Variants in CLDN2 observed in about 807,000 individuals in gnomAD.
CLDN2 encodes claudin 2, also known as claudin-2.
CLDN2 carries 1 observed loss-of-function variant against 8.2 expected under a neutral mutation model. That is an observed-to-expected ratio of 0.12 (90% CI 0.04 to 0.58). The LOEUF is 0.58. Ranked by LOEUF, CLDN2 falls within the 20% of genes least tolerant of loss-of-function variation. The pLI is 0.90. For synonymous variants in CLDN2, 70 were observed against 70.2 expected, an observed-to-expected ratio of 1.00 and a Z score of 0.01; for missense variants, 108 against 172.9, an observed-to-expected ratio of 0.62 and a Z score of 2.11.
chrX:106,903,112 C>T (rs1933129218), intron 1 of CLDN2: 1 of 1,208,812 alleles, frequency 8.3e-7, no homozygotes, highest in Non-Finnish European at 1.1e-6. Context: ...TTCAGGTTGC[C>T]AAAGGCTAAG....
At chrX:106,906,129 A>T (rs1267205143) in intron 1 of CLDN2, among the ~76,000 whole-genome samples, 2 of 111,836 alleles carry the variant, frequency 1.8e-5, no homozygotes, top group Non-Finnish European at 3.8e-5. Context: ...AACAGGAGTA[A>T]ACTGGTCAGC....
chrX:106,922,314 G>A (rs1368897257), intron 1 of CLDN2, among the ~76,000 whole-genome samples: 1 of 112,603 alleles, frequency 8.9e-6, no homozygotes, highest in Non-Finnish European at 1.9e-5. Flanking sequence ...TCCTGCCTGG[G>A]CATGCTGCTA....
chrX:106,924,259 G>C (rs1326110167), intron 1 of CLDN2, among the ~76,000 whole-genome samples: 1 of 111,068 alleles, frequency 9.0e-6, no homozygotes, highest in Non-Finnish European at 1.9e-5. Flanking sequence ...GAATGATCAA[G>C]ATAGGAGTAA....
intron 1 of CLDN2, among the ~76,000 whole-genome samples, chrX:106,912,373 C>T (rs1933257476): frequency 1.9e-5 from 2 of 106,405 alleles, no homozygotes; most frequent in African/African-American, 6.9e-5. Flanking sequence ...GCACAATTGA[C>T]TTGCAAGCTA....
At position 106,900,695 on chromosome X, in the gene CLDN2, G is replaced by T. The variant is rs752967609; in HGVS notation, c.-179+191G>T. ...AAGGGGGATGAGCTGTGGCGCTGTA[G>T]GGTATGGACCCTGGTACCCTCACAC... On this transcript the variant is annotated intron_variant, in intron 1 of 1. Coordinates refer to the CLDN2 transcript ENST00000541806. 154 of 1,159,858 alleles carry T rather than the reference G, an allele frequency of 1.3e-4. No homozygotes were observed. The East Asian group carries it at 3.7e-3, about 28-fold the overall frequency.
At chrX:106,915,834 C>T (rs1282994527), upstream of CLDN2, among the ~76,000 whole-genome samples, 2 of 110,929 alleles carry the variant, frequency 1.8e-5, no homozygotes, top group African/African-American at 6.6e-5. Flanking sequence ...GTCTCTCCTT[C>T]CTCTTCTCCT....
At chrX:106,903,639 G>T (rs1051451617) in intron 1 of CLDN2, among the ~76,000 whole-genome samples, 3 of 111,920 alleles carry the variant, frequency 2.7e-5, no homozygotes, top group African/African-American at 9.7e-5. Context: ...AAGGAGAGGA[G>T]CTCATTAGCA....
chrX:106,912,471 T>G (rs1370151728), intron 1 of CLDN2, among the ~76,000 whole-genome samples: 1 of 98,444 alleles, frequency 1.0e-5, no homozygotes, highest in Non-Finnish European at 2.0e-5. Context: ...TGAAGTGCAG[T>G]GGTGCCATCA....
upstream of CLDN2, among the ~76,000 whole-genome samples, chrX:106,916,093 C>T (rs770010451): frequency 1.8e-4 from 20 of 108,392 alleles, no homozygotes; most frequent in Non-Finnish European, 3.6e-4. Context: ...AAAAGCCAAA[C>T]CCTTCAGGCA....
intron 1 of CLDN2, chrX:106,900,880 C>T (rs770549207): frequency 1.7e-6 from 2 of 1,210,406 alleles, no homozygotes; most frequent in East Asian, 3.0e-5. Context: ...TACAGATAGT[C>T]GAAGGAGCGG....
intron 1 of CLDN2, among the ~76,000 whole-genome samples, chrX:106,923,142 T>G (rs1332771861): frequency 9.0e-6 from 1 of 111,157 alleles, no homozygotes; most frequent in Non-Finnish European, 1.9e-5. Context: ...GCCCAACTAA[T>G]TTTTGTATTT....
chrX:106,928,981 C>T lies in CLDN2; in HGVS notation c.*60C>T, dbSNP rs1029793431. The T allele has an allele frequency of 4.0e-5, 39 of 980,729 alleles. No homozygotes were observed. Among genetic ancestry groups the T allele is most frequent in the East Asian group, 9.3e-5 (3 of 32,290 alleles). 80.8% of individuals were successfully genotyped at this position (980,729 alleles called of 1,213,427 possible). A position where few individuals can be genotyped will look rare whatever the true frequency, so the allele number is the denominator to read the frequency against. On this transcript the variant is annotated 3_prime_UTR_variant, in exon 2 of 2. Coordinates refer to ENST00000336803, the MANE Select transcript of CLDN2 (RefSeq NM_020384.4). ...CTGTGAAAAACAGTGGACAGCACCCCGAGGGCCACAGGTGAGGGACACTAC... is the reference window on the plus strand; with the variant it reads ...CTGTGAAAAACAGTGGACAGCACCCTGAGGGCCACAGGTGAGGGACACTAC...
At chrX:106,916,357 G>A (rs1933309920), upstream of CLDN2, among the ~76,000 whole-genome samples, 3 of 111,284 alleles carry the variant, frequency 2.7e-5, no homozygotes, top group Admixed American at 2.9e-4. Flanking sequence ...TAGAGGGAAG[G>A]GAGAGCATTG....
chrX:106,910,710 CA>C (rs371400610), intron 1 of CLDN2, among the ~76,000 whole-genome samples: 6,505 of 94,211 alleles, frequency 0.069, 552 homozygotes, highest in African/African-American at 0.23. Flanking sequence ...GAAACTCCAT[CA>C]AAAAAAAAAA....
intron 1 of CLDN2, chrX:106,902,064 C>T: frequency 2.3e-6 from 2 of 872,951 alleles, no homozygotes; most frequent in East Asian, 3.4e-5. Context: ...AGGTCAGGGG[C>T]TCTCTGGGAA....
At chrX:106,916,667 A>G (rs1401021675), upstream of CLDN2, among the ~76,000 whole-genome samples, 1 of 111,454 alleles carries the variant, frequency 9.0e-6, no homozygotes, top group East Asian at 2.8e-4. Context: ...ATTAAGGCTA[A>G]CTCTGAGGTT....
chrX:106,912,173 C>T (rs1421908273), intron 1 of CLDN2, among the ~76,000 whole-genome samples: 1 of 111,148 alleles, frequency 9.0e-6, no homozygotes, highest in Non-Finnish European at 1.9e-5. Context: ...TTTCCCAGAC[C>T]TCTTCCCTCC....
upstream of CLDN2, among the ~76,000 whole-genome samples, chrX:106,916,789 T>G (rs1053646447): frequency 8.9e-6 from 1 of 111,803 alleles, no homozygotes; most frequent in African/African-American, 3.3e-5. Context: ...GGCTCACACC[T>G]GTAATCCCAG....
chrX:106,908,529 T>G (rs1933207945), intron 1 of CLDN2, among the ~76,000 whole-genome samples: 1 of 110,318 alleles, frequency 9.1e-6, no homozygotes, highest in African/African-American at 3.3e-5. Flanking sequence ...CTCAGGGTCA[T>G]TCTTGGGACA....
Sources: gnomAD v4.1 joint callset for allele counts (sites outside exome capture counted in the v4.1 genomes callset) on GRCh38, gnomAD v4.1.1 for gene constraint, MANE v1.5 for transcripts, NCBI Gene and HGNC (gene_info 2026-07-23, HGNC 2026-07-21) for gene names.